CDH2: variants seen among roughly 807,000 people sequenced by gnomAD.
CDH2 encodes the protein cadherin 2.
A neutral mutation model predicts 92.0 loss-of-function variants in CDH2; 17 were observed. The ratio of observed to expected loss-of-function variants is 0.18; its 90% CI spans 0.13 to 0.28. The LOEUF is 0.28. Among genes scored for constraint, CDH2 ranks in the 10% least tolerant of loss-of-function variants. The pLI, the probability that CDH2 is intolerant of heterozygous loss-of-function variation, is 1.00. For missense variants in CDH2, 862 were observed against 1,133.1 expected (o/e 0.76, Z 3.44); for synonymous variants, 419 against 415.9 (o/e 1.01, Z -0.09).
intron 2 of CDH2, among the ~76,000 whole-genome samples, chr18:28,051,708 C>T (rs1273323844): frequency 1.3e-5 from 2 of 152,046 alleles, no homozygotes; most frequent in East Asian, 1.9e-4. Flanking sequence ...CAACCTACAT[C>T]CTATAAGGAC....
intron 2 of CDH2, among the ~76,000 whole-genome samples, chr18:28,105,966 G>A (rs925337424): frequency 2.0e-5 from 3 of 152,254 alleles, no homozygotes; most frequent in South Asian, 2.1e-4. Flanking sequence ...TAATAGATAC[G>A]AATTGAGTAG....
chr18:28,174,757 T>C (rs1238415458), intron 1 of CDH2, among the ~76,000 whole-genome samples: 1 of 152,242 alleles, frequency 6.6e-6, no homozygotes, highest in Non-Finnish European at 1.5e-5. Flanking sequence ...ACAGTATTCA[T>C]GACCAACAAA....
In CDH2 at chr18:27,951,246, A is replaced by AT. The variant is rs1909429871; in HGVS notation, c.*906dup. The AT allele has an allele frequency of 6.6e-6, 1 of 151,798 alleles. No homozygotes were observed. Among genetic ancestry groups the AT allele is most frequent in the Non-Finnish European group, 1.5e-5 (1 of 67,922 alleles). 9.4% of individuals were successfully genotyped at this position (151,798 alleles called of 1,614,324 possible). A position where few individuals can be genotyped will look rare whatever the true frequency, so the allele number is the denominator to read the frequency against. ...CCCCAAACCAAAAAGAAAATAAAAAATAAAAAAATTAAAAAAATTAAAAAT... is the reference window on the plus strand; with the variant it reads ...CCCCAAACCAAAAAGAAAATAAAAAATTAAAAAAATTAAAAAAATTAAAAAT... On this transcript the variant is annotated 3_prime_UTR_variant, in exon 16 of 16. Coordinates refer to ENST00000269141, the MANE Select transcript of CDH2 (RefSeq NM_001792.5).
chr18:27,933,509 C>T (rs1255292739), intron 6 of CDH2, among the ~76,000 whole-genome samples: 1 of 151,966 alleles, frequency 6.6e-6, no homozygotes, highest in African/African-American at 2.4e-5. Context: ...TATGATTTTG[C>T]TACAATAAGT....
At chr18:27,977,209 A>G (rs1426697837) in intron 14 of CDH2, among the ~76,000 whole-genome samples, 1 of 152,200 alleles carries the variant, frequency 6.6e-6, no homozygotes, top group Admixed American at 6.5e-5. Flanking sequence ...CTGTGTGGAG[A>G]TAACACTCTC....
At chr18:28,054,925 T>A (rs1567981037) in intron 2 of CDH2, among the ~76,000 whole-genome samples, 1 of 152,202 alleles carries the variant, frequency 6.6e-6, no homozygotes, top group Non-Finnish European at 1.5e-5. Flanking sequence ...GACCCTTCTG[T>A]AAGAAAAATT....
intron 6 of CDH2, among the ~76,000 whole-genome samples, chr18:28,003,891 C>G (rs766580553): frequency 2.0e-5 from 3 of 152,160 alleles, no homozygotes; most frequent in Non-Finnish European, 4.4e-5. Context: ...GAAGTAGTTA[C>G]TGTTTAGAGT....
rs554681046 is a variant in CDH2, at chr18:27,951,838, T to C, written c.*315A>G. On this transcript the variant is annotated 3_prime_UTR_variant, in exon 16 of 16. Transcript: ENST00000269141. ...ACCACAAAATATTTTGTCTTTTACT[T>C]ATCGTTTCAGAAATCAGTACCATTA... is the stretch of plus-strand genomic sequence containing the variant. The C allele has an allele frequency of 3.8e-6, 1 of 262,080 alleles. No homozygotes were observed. Among genetic ancestry groups the C allele is most frequent in the Non-Finnish European group, 7.4e-6 (1 of 134,486 alleles). 16.2% of individuals were successfully genotyped at this position (262,080 alleles called of 1,614,324 possible).
intron 2 of CDH2, among the ~76,000 whole-genome samples, chr18:28,057,570 G>C (rs890360221): frequency 3.9e-5 from 6 of 152,028 alleles, no homozygotes; most frequent in African/African-American, 1.5e-4. Context: ...GGGTAGTCGA[G>C]GCAGGAGAAT....
At position 27,967,334 on chromosome 18, in the gene CDH2, C is replaced by G. The variant is rs977105341; in HGVS notation, c.2350-3813G>C. 5.9e-5 allele frequency among the ~76,000 whole-genome samples: 9 copies of G among 152,228 alleles called. No homozygotes were observed. The East Asian group carries it at 1.7e-3, about 29-fold the overall frequency. The stretch of plus-strand genomic sequence containing the variant: ...CCTGAACTGAGAGTCTAATTTTAGA[C>G]CTTTTGATAAAAAACGCTCCCTAAT... On this transcript the variant is annotated intron_variant, in intron 14 of 15. Coordinates refer to ENST00000269141, the MANE Select transcript of CDH2 (RefSeq NM_001792.5).
At chr18:27,955,304 CGTGTATACCTAT>C (rs1909651144) in intron 15 of CDH2, among the ~76,000 whole-genome samples, 1 of 143,138 alleles carries the variant, frequency 7.0e-6, no homozygotes, top group Admixed American at 7.4e-5. Context: ...CACCATGGCA[CGTGTATACCTAT>C]GTAATAAACC....
intron 1 of CDH2, among the ~76,000 whole-genome samples, chr18:28,176,239 GCAGCCGCGTAACGGAA>G: frequency 6.6e-6 from 1 of 152,324 alleles, no homozygotes; most frequent in South Asian, 2.1e-4. Flanking sequence ...AGAGAAAGGA[GCAGCCGCGTAACGGAA>G]CTTCTCGCCC....
chr18:28,171,266 G>A (rs752226261), intron 1 of CDH2, among the ~76,000 whole-genome samples: 17 of 151,146 alleles, frequency 1.1e-4, no homozygotes, highest in Non-Finnish European at 2.4e-4. Context: ...CTTGACAAAG[G>A]GCTAGAGCTG....
At chr18:28,093,050 T>G (rs188524823) in intron 2 of CDH2, among the ~76,000 whole-genome samples, 3 of 152,244 alleles carry the variant, frequency 2.0e-5, no homozygotes, top group African/African-American at 7.2e-5. Context: ...AACAGAGCGG[T>G]TGGACATTTC....
chr18:28,093,419 T>C (rs892598087), intron 2 of CDH2, among the ~76,000 whole-genome samples: 1 of 152,154 alleles, frequency 6.6e-6, no homozygotes, highest in Non-Finnish European at 1.5e-5. Context: ...TCCTAACTTG[T>C]TTTTAAAATT....
At chr18:28,000,689 G>A (rs2012737854) in intron 7 of CDH2, among the ~76,000 whole-genome samples, 1 of 152,088 alleles carries the variant, frequency 6.6e-6, no homozygotes, top group Non-Finnish European at 1.5e-5. Flanking sequence ...TGAAGACTGG[G>A]TAATGTGGCA....
Position 28,117,427 on chromosome 18 carries a change from C to T in CDH2, c.172+30246G>A, listed in dbSNP as rs551122991. ...GGGTTAGGGCTGCTTACACCAAGCA[C>T]ACACCAACAGCTTCACTTGTGAGCT... On this transcript the variant is annotated intron_variant, in intron 2 of 15. Transcript: ENST00000269141. Among the ~76,000 whole-genome samples the T allele has an allele frequency of 7.9e-5, 12 of 152,258 alleles. No homozygotes were observed. In the South Asian group the frequency reaches 2.5e-3, roughly 32 times the overall value.
At chr18:28,010,416 C>T in intron 4 of CDH2, among the ~76,000 whole-genome samples, 1 of 152,212 alleles carries the variant, frequency 6.6e-6, no homozygotes, top group African/African-American at 2.4e-5. Flanking sequence ...TAAGTGACAC[C>T]TGAAATTTTC....
At chr18:28,134,130 ATTT>A (rs2015821749) in intron 2 of CDH2, among the ~76,000 whole-genome samples, 1 of 128,336 alleles carries the variant, frequency 7.8e-6, no homozygotes. Context: ...TTCTGACTAA[ATTT>A]ACAAAAAAAA....
Sources: gnomAD v4.1 joint callset for allele counts (sites outside exome capture counted in the v4.1 genomes callset) on GRCh38, gnomAD v4.1.1 for gene constraint, MANE v1.5 for transcripts, NCBI Gene and HGNC (gene_info 2026-07-23, HGNC 2026-07-21) for gene names.